PCDH9: variants seen among roughly 807,000 people sequenced by gnomAD.
The protein encoded by PCDH9 is protocadherin-9.
PCDH9 carries 24 observed loss-of-function variants against 70.6 expected under a neutral mutation model. The observed-to-expected ratio is 0.34, with a 90% CI of 0.25 to 0.48. PCDH9 has a LOEUF of 0.48. Ranked by LOEUF, PCDH9 falls within the 20% of genes least tolerant of loss-of-function variation. The pLI is 0.99. For synonymous variants in PCDH9, 562 were observed against 558.5 expected (o/e 1.01, Z -0.09); for missense variants, 1,281 against 1,503.6 (o/e 0.85, Z 2.45).
chr13:66,468,157 A>T (rs1483918186), intron 4 of PCDH9, among the ~76,000 whole-genome samples: 1 of 151,650 alleles, frequency 6.6e-6, no homozygotes, highest in Non-Finnish European at 1.5e-5. Context: ...CAACCTGTCC[A>T]CCCTACACTC....
intron 2 of PCDH9, among the ~76,000 whole-genome samples, chr13:67,053,652 C>T (rs1015370334): frequency 1.3e-5 from 2 of 152,100 alleles, no homozygotes; most frequent in Non-Finnish European, 2.9e-5. Context: ...CTAAGCAATA[C>T]GAAATACCTT....
At chr13:66,845,085 C>T (rs2081183812) in intron 3 of PCDH9, among the ~76,000 whole-genome samples, 1 of 152,122 alleles carries the variant, frequency 6.6e-6, no homozygotes, top group African/African-American at 2.4e-5. Flanking sequence ...AGTTCTCACT[C>T]CAGTCTGCAG....
intron 4 of PCDH9, among the ~76,000 whole-genome samples, chr13:66,428,232 A>G (rs1245650423): frequency 2.0e-5 from 3 of 151,786 alleles, no homozygotes; most frequent in Non-Finnish European, 4.4e-5. Flanking sequence ...CCAAATGCAT[A>G]AAAGATACAA....
chr13:66,315,702 A>G (rs919717889), intron 4 of PCDH9, among the ~76,000 whole-genome samples: 4 of 152,114 alleles, frequency 2.6e-5, no homozygotes, highest in African/African-American at 9.7e-5. Flanking sequence ...GCTGGTCTCG[A>G]ACTCCCGACC....
At chr13:66,829,717 C>CAA (rs562176354) in intron 3 of PCDH9, among the ~76,000 whole-genome samples, 3,565 of 52,856 alleles carry the variant, frequency 0.067, 712 homozygotes, top group Middle Eastern at 0.095. Context: ...GACTCCGTCT[C>CAA]AAAAAAAAAA....
chr13:66,949,693 T>C (rs370716997), intron 2 of PCDH9, among the ~76,000 whole-genome samples: 22 of 151,736 alleles, frequency 1.4e-4, no homozygotes, highest in African/African-American at 5.1e-4. Flanking sequence ...TCAAGGATCA[T>C]CTCCATCGAC....
intron 4 of PCDH9, among the ~76,000 whole-genome samples, chr13:66,513,232 C>T (rs9540779): frequency 0.81 from 120,050 of 147,576 alleles, 49,264 homozygotes; most frequent in East Asian, 0.91. Flanking sequence ...CTTTATATGC[C>T]AGGGTGAATA....
At chr13:66,331,631 G>T (rs1269736326) in intron 4 of PCDH9, among the ~76,000 whole-genome samples, 1 of 152,086 alleles carries the variant, frequency 6.6e-6, no homozygotes, top group Non-Finnish European at 1.5e-5. Flanking sequence ...TTAGCAGAAG[G>T]TTTATTTTTC....
chr13:66,416,299 C>G (rs1373561499), intron 4 of PCDH9, among the ~76,000 whole-genome samples: 1 of 149,590 alleles, frequency 6.7e-6, no homozygotes, highest in East Asian at 2.0e-4. Flanking sequence ...ATATCATTAG[C>G]CCACGGAAGG....
chr13:67,225,843 G>A lies in PCDH9; in HGVS notation c.2598C>T (p.Asn866=). The change falls in exon 2 of 5, where the codon AAC becomes AAT. Residue 866 remains asparagine, a synonymous_variant. Coordinates refer to ENST00000377865, the MANE Select transcript of PCDH9 (RefSeq NM_203487.3). ...TCCTTTTCTTTCTTTTCTTTTTCTT[G>A]TTTTGCTTGTTCTCCTGGTTTGGGG... The part of the protein sequence containing the change: ...WMSPNQENKQ[N]KKKKRKKRKS... 1 of 1,613,918 alleles carries A rather than the reference G, an allele frequency of 6.2e-7. No individual in the cohort carries two copies. The highest frequency in any genetic ancestry group is 8.5e-7 in the Non-Finnish European group (1 of 1,179,960).
intron 2 of PCDH9, among the ~76,000 whole-genome samples, chr13:66,927,366 C>A (rs762854057): frequency 6.6e-6 from 1 of 151,946 alleles, no homozygotes; most frequent in African/African-American, 2.4e-5. Flanking sequence ...GAGGGAACGA[C>A]ACACACTGGG....
At chr13:67,022,629 T>C (rs2084700708) in intron 2 of PCDH9, among the ~76,000 whole-genome samples, 7 of 152,212 alleles carry the variant, frequency 4.6e-5, no homozygotes, top group Admixed American at 4.6e-4. Flanking sequence ...AAAACGTGAT[T>C]TCTTTACTTT....
At chr13:66,768,236 T>G (rs1002520158) in intron 3 of PCDH9, among the ~76,000 whole-genome samples, 3 of 151,762 alleles carry the variant, frequency 2.0e-5, no homozygotes, top group Non-Finnish European at 4.4e-5. Flanking sequence ...CAATAGTTGA[T>G]CAAATCAAAG....
intron 3 of PCDH9, among the ~76,000 whole-genome samples, chr13:66,798,638 C>T (rs1171809334): frequency 2.6e-5 from 4 of 152,154 alleles, no homozygotes; most frequent in African/African-American, 9.6e-5. Flanking sequence ...CTGCTTCGTT[C>T]AATTTGCTTC....
At chr13:66,818,322 G>T (rs2080645036) in intron 3 of PCDH9, among the ~76,000 whole-genome samples, 1 of 152,114 alleles carries the variant, frequency 6.6e-6, no homozygotes, top group Non-Finnish European at 1.5e-5. Context: ...TTTTTAAGTG[G>T]TGTTTAAGTT....
chr13:66,353,056 G>A (rs184364688), intron 4 of PCDH9, among the ~76,000 whole-genome samples: 1 of 152,116 alleles, frequency 6.6e-6, no homozygotes, highest in Non-Finnish European at 1.5e-5. Flanking sequence ...TTTAAAGAGC[G>A]AATCAATTAA....
chr13:66,367,897 T>A (rs1956580134), intron 4 of PCDH9, among the ~76,000 whole-genome samples: 2 of 152,276 alleles, frequency 1.3e-5, no homozygotes, highest in Middle Eastern at 3.4e-3. Context: ...ACCTTCCATA[T>A]GTAACACATA....
Position 67,226,531 on chromosome 13 carries a change from T to A in PCDH9, c.1910A>T (p.Gln637Leu). The A allele has an allele frequency of 6.2e-7, 1 of 1,614,088 alleles. No homozygotes were observed. The highest frequency in any genetic ancestry group is 8.5e-7 in the Non-Finnish European group (1 of 1,179,904). Reference sequence around the variant, plus strand: ...GACATCAAAAGTGTAGGAACTCTGCTGCTCTCTATCAAATGAGACATTTGA... The same window carrying A: ...GACATCAAAAGTGTAGGAACTCTGCAGCTCTCTATCAAATGAGACATTTGA... ...IKSNVSFDRE[Q>L]QSSYTFDVKA... The change falls in exon 2 of 5, where the codon CAG (glutamine) becomes CTG (leucine). Residue 637 changes from glutamine (Q) to leucine (L), a missense_variant. Around this residue, in one of 4 missense-constraint regions of PCDH9, gnomAD observed 798 missense variants for 1,003.1 expected, o/e 0.80. Coordinates refer to ENST00000377865, the MANE Select transcript of PCDH9 (RefSeq NM_203487.3). The surrounding 1 kb of genome is among the most constrained non-coding windows in gnomAD (Gnocchi z 5.0).
chr13:66,375,755 T>A (rs1956736161), intron 4 of PCDH9, among the ~76,000 whole-genome samples: 1 of 152,100 alleles, frequency 6.6e-6, no homozygotes, highest in Non-Finnish European at 1.5e-5. Context: ...TATTACTTTA[T>A]ACAGTATAAA....
Sources: gnomAD v4.1 joint callset for allele counts (sites outside exome capture counted in the v4.1 genomes callset) on GRCh38, gnomAD v4.1.1 for gene constraint, gnomAD v4.1.1 regional missense constraint, Gnocchi (gnomAD v3.1) non-coding constraint, MANE v1.5 for transcripts, NCBI Gene and HGNC (gene_info 2026-07-23, HGNC 2026-07-21) for gene names.